The following OTOGL variants were observed in gnomAD, a reference collection of about 807,000 sequenced individuals.
The protein encoded by OTOGL is otogelin like, also known as otogelin-like protein.
In OTOGL, 285 loss-of-function variants were observed where a neutral mutation model predicts 318.5. The ratio of observed to expected loss-of-function variants is 0.89; its 90% CI spans 0.81 to 0.99. The LOEUF (loss-of-function observed/expected upper bound fraction) is 0.99. Ranked by LOEUF, OTOGL falls within the 50% of genes least tolerant of loss-of-function variation. The pLI is 0.00. For missense variants in OTOGL, 2,899 were observed against 2,845.6 expected (o/e 1.02, Z -0.43); for synonymous variants, 987 against 936.5 (o/e 1.05, Z -0.99).
At chr12:80,232,741 G>A in intron 8 of OTOGL, 151 bp from the exon 9 acceptor site, 2 of 695,736 alleles carry the variant, frequency 2.9e-6, no homozygotes, top group Non-Finnish European at 4.7e-6. Context: ...ATTTTCCAGA[G>A]GATGGTTGCT....
intron 1 of OTOGL, among the ~76,000 whole-genome samples, chr12:80,112,193 C>T (rs747893044): frequency 6.6e-6 from 1 of 152,118 alleles, no homozygotes; most frequent in Non-Finnish European, 1.5e-5. Context: ...TCATCTAAAA[C>T]AGAGGTAATT....
At position 80,255,540 on chromosome 12, in the gene OTOGL, C is replaced by T. The variant is rs137874534; in HGVS notation, c.1587+355C>T. Among the ~76,000 whole-genome samples, 288 of 151,938 alleles carry T rather than the reference C, an allele frequency of 1.9e-3. 2 individuals are homozygous for T. Among genetic ancestry groups the T allele is most frequent in the African/African-American group, 6.8e-3 (281 of 41,506 alleles). On this transcript the variant is annotated intron_variant, in intron 16 of 58. Transcript: ENST00000547103. Reference sequence around the variant, plus strand: ...CGTATAGTTTTTTGAACATTTTATGCATGATTGTACAATGGATCTAAGTTT... The same window carrying T: ...CGTATAGTTTTTTGAACATTTTATGTATGATTGTACAATGGATCTAAGTTT...
At chr12:80,314,946 C>T (rs1029550614) in intron 32 of OTOGL, among the ~76,000 whole-genome samples, 2 of 152,138 alleles carry the variant, frequency 1.3e-5, no homozygotes, top group Non-Finnish European at 2.9e-5. Flanking sequence ...ACCTAGAGAA[C>T]ATTATGCTAA....
At chr12:80,144,047 CT>C (rs201583324) in intron 1 of OTOGL, among the ~76,000 whole-genome samples, 9,462 of 141,354 alleles carry the variant, frequency 0.067, 389 homozygotes, top group East Asian at 0.13. Context: ...TTGTGCTTTT[CT>C]TTTTTTTTTT....
chr12:80,186,155 T>C (rs1875274853), intron 1 of OTOGL, among the ~76,000 whole-genome samples: 1 of 152,204 alleles, frequency 6.6e-6, no homozygotes, highest in Non-Finnish European at 1.5e-5. Flanking sequence ...GAAGGGAAAA[T>C]GTGTTCAAAA....
At chr12:80,147,631 A>G (rs949675109) in intron 1 of OTOGL, among the ~76,000 whole-genome samples, 2 of 151,874 alleles carry the variant, frequency 1.3e-5, no homozygotes, top group East Asian at 3.9e-4. Context: ...TGTCTCCTTG[A>G]TCTGTCTAAT....
intron 57 of OTOGL, among the ~76,000 whole-genome samples, chr12:80,372,741 C>T (rs1170144533): frequency 2.6e-5 from 4 of 151,054 alleles, no homozygotes; most frequent in East Asian, 1.9e-4. Flanking sequence ...CAGGCCGGGG[C>T]GTAGTGGCAT....
intron 17 of OTOGL, among the ~76,000 whole-genome samples, chr12:80,257,082 T>C (rs1264147416): frequency 6.6e-6 from 1 of 152,132 alleles, no homozygotes; most frequent in Non-Finnish European, 1.5e-5. Flanking sequence ...GTCCTGTTCA[T>C]GCCTGCATTC....
chr12:80,373,294 T>C (rs959362042), intron 57 of OTOGL, among the ~76,000 whole-genome samples: 9 of 152,048 alleles, frequency 5.9e-5, no homozygotes, highest in African/African-American at 1.7e-4. Flanking sequence ...TAGCTGGACA[T>C]AGCAGCATGT....
At chr12:80,308,144 G>T (rs866676174) in intron 29 of OTOGL, among the ~76,000 whole-genome samples, 7 of 149,090 alleles carry the variant, frequency 4.7e-5, no homozygotes, top group Admixed American at 3.3e-4. Flanking sequence ...CGGGCGGGGG[G>T]CTGACACCCC....
chr12:80,142,764 G>T (rs1019653441), intron 1 of OTOGL, among the ~76,000 whole-genome samples: 1 of 152,026 alleles, frequency 6.6e-6, no homozygotes, highest in Admixed American at 6.6e-5. Flanking sequence ...TCTGTGGTTG[G>T]GCCAAACGAG....
intron 56 of OTOGL, among the ~76,000 whole-genome samples, chr12:80,371,328 G>T (rs1890863902): frequency 6.6e-6 from 1 of 152,164 alleles, no homozygotes. Context: ...AAATAGTACA[G>T]TCTAGTCTCA....
At chr12:80,317,802 A>C (rs1269454478) in intron 32 of OTOGL, among the ~76,000 whole-genome samples, 5 of 152,084 alleles carry the variant, frequency 3.3e-5, no homozygotes, top group African/African-American at 1.2e-4. Flanking sequence ...ATTTGTAACC[A>C]TGGTGGTGAG....
chr12:80,145,699 GTTCTTCCATTTGTTT>G (rs1339267395), intron 1 of OTOGL, among the ~76,000 whole-genome samples: 1 of 151,950 alleles, frequency 6.6e-6, no homozygotes. Flanking sequence ...AGCATGGAAT[GTTCTTCCATTTGTTT>G]GTATCCTCTT....
chr12:80,336,350 A>T, intron 39 of OTOGL, 63 bp from the exon 40 acceptor site: 1 of 1,458,208 alleles, frequency 6.9e-7, no homozygotes, highest in Non-Finnish European at 9.1e-7. Context: ...TTTTTAAAAG[A>T]GCAATTATTA....
At chr12:80,123,444 T>C (rs1429448747) in intron 1 of OTOGL, among the ~76,000 whole-genome samples, 2 of 152,202 alleles carry the variant, frequency 1.3e-5, no homozygotes, top group African/African-American at 2.4e-5. Flanking sequence ...TGTTGGACAT[T>C]TGGGTTGGTT....
At chr12:80,134,250 A>T (rs765676480) in intron 1 of OTOGL, among the ~76,000 whole-genome samples, 3 of 152,208 alleles carry the variant, frequency 2.0e-5, no homozygotes, top group Non-Finnish European at 2.9e-5. Flanking sequence ...TATTTTCCAA[A>T]TGAAGTCTGG....
intron 26 of OTOGL, 45 bp downstream of exon 26, chr12:80,279,211 T>A: frequency 1.3e-6 from 2 of 1,526,700 alleles, no homozygotes; most frequent in Non-Finnish European, 1.8e-6. Flanking sequence ...TGTAAAGATT[T>A]AATGTAAAAA....
chr12:80,273,987 G>C (rs1883607473), intron 24 of OTOGL, among the ~76,000 whole-genome samples: 1 of 151,882 alleles, frequency 6.6e-6, no homozygotes, highest in African/African-American at 2.4e-5. Context: ...TGTGTGTTCC[G>C]ATTTCTCCAT....
Sources: gnomAD v4.1 joint callset for allele counts (sites outside exome capture counted in the v4.1 genomes callset) on GRCh38, gnomAD v4.1.1 for gene constraint, MANE v1.5 for transcripts, NCBI Gene and HGNC (gene_info 2026-07-23, HGNC 2026-07-21) for gene names.